Variants in CENPN observed in about 807,000 individuals in gnomAD.
The protein encoded by CENPN is centromere protein N, also known as interphase centromere complex protein 32.
Under a neutral mutation model 48.6 loss-of-function variants are expected in CENPN, and 36 were observed. The ratio of observed to expected loss-of-function variants is 0.74; its 90% CI spans 0.57 to 0.98. The LOEUF (loss-of-function observed/expected upper bound fraction) is 0.98, where lower values mean the gene tolerates loss of function less well. CENPN is among the 50% of genes least tolerant of loss of function. The pLI is 0.00. For missense variants in CENPN, 439 were observed against 399.2 expected (o/e 1.10, Z -0.85); for synonymous variants, 166 against 135.2 (o/e 1.23, Z -1.58).
chr16:81,010,760 G>C (rs1005466300), intron 1 of CENPN, among the ~76,000 whole-genome samples: 1 of 152,276 alleles, frequency 6.6e-6, no homozygotes, highest in Middle Eastern at 3.4e-3. Flanking sequence ...TTGTCTTTTA[G>C]TTCCCTGGTA....
intron 5 of CENPN, among the ~76,000 whole-genome samples, chr16:81,018,885 G>A (rs1330218055): frequency 4.6e-5 from 7 of 152,192 alleles, no homozygotes; most frequent in African/African-American, 1.7e-4. Context: ...CAAGCTGAGT[G>A]CATCTCACTC....
chr16:81,011,001 C>T (rs1969719599), intron 1 of CENPN, among the ~76,000 whole-genome samples: 1 of 152,212 alleles, frequency 6.6e-6, no homozygotes, highest in South Asian at 2.1e-4. Flanking sequence ...GTGCTCAGCA[C>T]CTTGCAGAGT....
intron 2 of CENPN, among the ~76,000 whole-genome samples, chr16:81,012,991 T>C (rs1359608082): frequency 6.6e-6 from 1 of 152,224 alleles, no homozygotes; most frequent in East Asian, 1.9e-4. Flanking sequence ...TATGTATAAA[T>C]ATTGATAAAT....
chr16:81,023,128 A>G (rs1015092420), intron 7 of CENPN: 13 of 356,572 alleles, frequency 3.6e-5, no homozygotes, highest in Non-Finnish European at 5.8e-5. Context: ...TAAATCCCAA[A>G]GTTCATTTGT....
At chr16:81,014,444 G>A (rs1205035848) in intron 3 of CENPN, 1 of 410,742 alleles carries the variant, frequency 2.4e-6, no homozygotes, top group Non-Finnish European at 4.5e-6. Context: ...TGTTGCCCAG[G>A]CTGGTCTCCA....
chr16:81,021,577 A>AT (rs1037824868), intron 6 of CENPN, among the ~76,000 whole-genome samples: 1 of 152,068 alleles, frequency 6.6e-6, no homozygotes, highest in Non-Finnish European at 1.5e-5. Context: ...CTTGCTTGTC[A>AT]TTTAAGTTTT....
rs79076725 is a variant in CENPN, at chr16:81,022,765, C to G, written c.633+67C>G. 3,805 of 1,614,006 alleles carry G rather than the reference C, an allele frequency of 2.4e-3. 75 individuals carry two copies. In the African/African-American group the frequency reaches 0.043, roughly 18 times the overall value. ...TTCTCTTTGACACAGGAGTTAGAAG[C>G]TACTGGGAAAATCTACCTCCGACAA... On this transcript the variant is annotated intron_variant, in intron 7 of 10. Coordinates refer to ENST00000305850, the MANE Select transcript of CENPN (RefSeq NM_001100624.3).
rs1272359671 is a variant in CENPN at position 81,026,492 on chromosome 16, AACGGCTGTTTTATTTGAAATCT to A, written c.698-33_698-12del. The A allele has an allele frequency of 1.9e-6, 2 of 1,034,536 alleles. No individual in the cohort carries two copies. Among genetic ancestry groups the A allele is most frequent in the Non-Finnish European group, 3.0e-6 (2 of 670,896 alleles). The allele number at this position is 1,034,536 out of a possible 1,614,324, so 64.1% of individuals were successfully genotyped here. A position where few individuals can be genotyped will look rare whatever the true frequency, so the allele number is the denominator to read the frequency against. ...TAATTTAAGGATGAAATATATTCCT[AACGGCTGTTTTATTTGAAATCT>A]TCCACCCATAGTGGATTCAAGGATC... On this transcript the variant is annotated splice_polypyrimidine_tract_variant and intron_variant, in intron 8 of 10. Transcript: ENST00000305850.
At chr16:81,016,928 G>C (rs548325406) in intron 3 of CENPN, 197 of 225,784 alleles carry the variant, frequency 8.7e-4, no homozygotes, top group African/African-American at 4.5e-3. Flanking sequence ...GTGGGGAGTA[G>C]GGTGTGTAAG....
intron 6 of CENPN, among the ~76,000 whole-genome samples, chr16:81,021,961 G>C (rs1360239921): frequency 1.3e-5 from 2 of 152,114 alleles, no homozygotes; most frequent in Non-Finnish European, 2.9e-5. Context: ...GTTTCACCAT[G>C]TTGCCCAGGC....
chr16:81,032,339 A>G, downstream of CENPN, among the ~76,000 whole-genome samples: 1 of 152,082 alleles, frequency 6.6e-6, no homozygotes, highest in East Asian at 1.9e-4. Context: ...TCCCTGGTCC[A>G]TTTACTCTCC....
chr16:81,012,017 G>A lies in CENPN; in HGVS notation c.78G>A (p.Lys26=), dbSNP rs183042851. 1.2e-6 allele frequency: 2 copies of A among 1,614,132 alleles called. No individual in the cohort carries two copies. The highest frequency in any genetic ancestry group is 2.2e-5 in the East Asian group (1 of 44,880). The part of the protein sequence containing the change: ...IPMNELTTIL[K]AWDFLSENQL... ...TGAATGAACTGACAACAATCCTGAA[G>A]GCCTGGGATTTTTTGTCTGAAAATC... Residue 26 remains lysine (K), a synonymous_variant, in exon 2 of 11, where the codon AAG becomes AAA. Transcript: ENST00000305850.
intron 2 of CENPN, 132 bp downstream of exon 2, chr16:81,012,242 A>C (rs1969772225): frequency 3.3e-6 from 2 of 600,236 alleles, no homozygotes; most frequent in Admixed American, 3.7e-5. Flanking sequence ...GGCTATATAC[A>C]ACTGCAGTGG....
intron 3 of CENPN, among the ~76,000 whole-genome samples, chr16:81,014,752 C>A (rs183558921): frequency 6.6e-6 from 1 of 152,252 alleles, no homozygotes; most frequent in Admixed American, 6.5e-5. Flanking sequence ...ATCAGAAACA[C>A]AAAGTAAATG....
rs769101079 is a variant in CENPN, at chr16:81,014,146, C to G, written c.182C>G (p.Ala61Gly). ...TGTTTTCTCTTTTAGGAAAAGCGTG[C>G]AAGTATCAGTGATGCTGCCCTGTTA... ...HLIHLCEEKR[A>G]SISDAALLDI... Residue 61 changes from alanine to glycine, a missense_variant, in exon 3 of 11, where the codon GCA becomes GGA. Transcript: ENST00000305850. 3.1e-6 allele frequency: 5 copies of G among 1,613,022 alleles called. No homozygotes were observed. The Admixed American group carries it at 6.7e-5, about 22-fold the overall frequency.
chr16:81,019,050 A>C (rs550550793), intron 5 of CENPN, among the ~76,000 whole-genome samples: 42 of 152,350 alleles, frequency 2.8e-4, no homozygotes, highest in Non-Finnish European at 5.1e-4. Flanking sequence ...GATTCAAGGT[A>C]GTACCTCTGG....
chr16:81,009,617 CT>C (rs1183232755), intron 1 of CENPN, among the ~76,000 whole-genome samples: 1 of 152,200 alleles, frequency 6.6e-6, no homozygotes, highest in African/African-American at 2.4e-5. Context: ...CTAATCCTTC[CT>C]CTTTATCTTT....
chr16:81,028,759 T>A lies in CENPN; in HGVS notation c.*108T>A. On this transcript the variant is annotated 3_prime_UTR_variant, in exon 11 of 11. Transcript: ENST00000305850. ...GTCTGTAAACTTGTATTTTCAAGAA[T>A]CCTTGGTATTGAATTTTTAGAAATG... The A allele has an allele frequency of 2.7e-6, 4 of 1,475,644 alleles. No homozygotes were observed. The highest frequency in any genetic ancestry group is 2.7e-6 in the Non-Finnish European group (3 of 1,117,964). The allele number at this position is 1,475,644 out of a possible 1,614,324, so 91.4% of individuals were successfully genotyped here.
downstream of CENPN, chr16:81,032,463 A>G: frequency 2.6e-6 from 3 of 1,155,374 alleles, no homozygotes; most frequent in Non-Finnish European, 3.7e-6. Flanking sequence ...GGGAATCATC[A>G]CTCTGATGCC....
Sources: allele counts gnomAD v4.1 joint callset (sites outside exome capture counted in the v4.1 genomes callset), GRCh38; gene constraint gnomAD v4.1.1; transcripts MANE v1.5; gene names NCBI Gene and HGNC (gene_info 2026-07-23, HGNC 2026-07-21).